CDH12: variants seen among roughly 807,000 people sequenced by gnomAD.
The protein encoded by CDH12 is cadherin 12.
Under a neutral mutation model 74.1 loss-of-function variants are expected in CDH12, and 41 were observed. The ratio of observed to expected loss-of-function variants is 0.55; its 90% CI spans 0.43 to 0.72. The LOEUF (loss-of-function observed/expected upper bound fraction) is 0.72, where lower values mean the gene tolerates loss of function less well. Ranked by LOEUF, CDH12 falls within the 30% of genes least tolerant of loss-of-function variation. The pLI is 0.00. For synonymous variants in CDH12, 399 were observed against 355.0 expected, an observed-to-expected ratio of 1.12 and a Z score of -1.39; for missense variants, 945 against 977.2, an observed-to-expected ratio of 0.97 and a Z score of 0.44.
In CDH12 at chr5:21,891,572, T is replaced by C. The variant is rs7727212; in HGVS notation, c.527-36782A>G. Among the ~76,000 whole-genome samples the C allele has an allele frequency of 8.4e-4, 122 of 145,024 alleles. 1 individual carries two copies. Among genetic ancestry groups the C allele is most frequent in the Non-Finnish European group, 9.7e-4 (64 of 65,708 alleles). Reference sequence around the variant, plus strand: ...TCTTTCCTGTGAATACACACACACATACACACACACACACACACACACACA... The same window carrying C: ...TCTTTCCTGTGAATACACACACACACACACACACACACACACACACACACA... On this transcript the variant is annotated intron_variant, in intron 6 of 14. Transcript: ENST00000382254.
chr5:22,283,253 C>CAT (rs1287919986), intron 3 of CDH12, among the ~76,000 whole-genome samples: 5 of 134,298 alleles, frequency 3.7e-5, no homozygotes, highest in African/African-American at 1.6e-4. Flanking sequence ...TATATATATA[C>CAT]ACACACACAC....
chr5:22,284,875 G>A (rs1251440304), intron 3 of CDH12, among the ~76,000 whole-genome samples: 1 of 150,290 alleles, frequency 6.7e-6, no homozygotes, highest in Non-Finnish European at 1.5e-5. Context: ...CCAGGAAAAG[G>A]GAAAGAAGCC....
At chr5:21,948,829 C>T (rs571256533) in intron 6 of CDH12, among the ~76,000 whole-genome samples, 1 of 152,074 alleles carries the variant, frequency 6.6e-6, no homozygotes, top group South Asian at 2.1e-4. Flanking sequence ...ATCATGTGGG[C>T]GGTTTCTGCC....
At chr5:22,123,578 A>C (rs1490762135) in intron 4 of CDH12, among the ~76,000 whole-genome samples, 1 of 152,230 alleles carries the variant, frequency 6.6e-6, no homozygotes, top group Non-Finnish European at 1.5e-5. Context: ...CAAAAATTCC[A>C]TCTGAGATAT....
At chr5:22,696,612 G>A (rs116102037) in intron 1 of CDH12, among the ~76,000 whole-genome samples, 1,541 of 151,890 alleles carry the variant, frequency 0.01, 30 homozygotes, top group African/African-American at 0.035. Context: ...TTGCTCAGTG[G>A]GTGTTTTTTA....
chr5:22,711,650 A>C (rs1681821972), intron 1 of CDH12, among the ~76,000 whole-genome samples: 1 of 152,242 alleles, frequency 6.6e-6, no homozygotes, highest in South Asian at 2.1e-4. Flanking sequence ...AATGAAGTAC[A>C]GGATTTACCA....
At chr5:22,002,136 G>T (rs1337674508) in intron 5 of CDH12, among the ~76,000 whole-genome samples, 1 of 152,004 alleles carries the variant, frequency 6.6e-6, no homozygotes, top group African/African-American at 2.4e-5. Flanking sequence ...CATTTAGTTT[G>T]CTCTATACTA....
At chr5:22,429,306 T>C (rs1744072662) in intron 2 of CDH12, among the ~76,000 whole-genome samples, 1 of 151,740 alleles carries the variant, frequency 6.6e-6, no homozygotes, top group Admixed American at 6.6e-5. Context: ...TACTTTTGTT[T>C]TTTTGCATTT....
chr5:22,384,993 A>G (rs1216420004), intron 3 of CDH12, among the ~76,000 whole-genome samples: 2 of 152,210 alleles, frequency 1.3e-5, no homozygotes, highest in African/African-American at 2.4e-5. Flanking sequence ...ATGTTAAACT[A>G]AATAAAATTT....
intron 3 of CDH12, among the ~76,000 whole-genome samples, chr5:22,331,289 G>C (rs1739341799): frequency 6.6e-6 from 1 of 152,140 alleles, no homozygotes; most frequent in East Asian, 1.9e-4. Context: ...CTAGATTCAG[G>C]GCTGACTCAG....
intron 4 of CDH12, among the ~76,000 whole-genome samples, chr5:22,123,970 TTTTTA>T (rs1199331492): frequency 3.3e-5 from 5 of 151,084 alleles, no homozygotes; most frequent in Admixed American, 2.6e-4. Context: ...TTTATTTTAT[TTTTTA>T]TTTTTTTTCT....
intron 3 of CDH12, among the ~76,000 whole-genome samples, chr5:22,326,948 T>C (rs1034041106): frequency 3.3e-5 from 5 of 152,220 alleles, no homozygotes; most frequent in Non-Finnish European, 7.3e-5. Flanking sequence ...AGGCAAATTA[T>C]ATTGCTCAAG....
chr5:22,258,857 G>A (rs1260465109), intron 3 of CDH12, among the ~76,000 whole-genome samples: 1 of 152,048 alleles, frequency 6.6e-6, no homozygotes, highest in African/African-American at 2.4e-5. Flanking sequence ...TTTGCGTTAA[G>A]TACACTCTGC....
intron 10 of CDH12, among the ~76,000 whole-genome samples, chr5:21,785,010 C>T (rs1467225561): frequency 6.6e-6 from 1 of 152,136 alleles, no homozygotes; most frequent in East Asian, 1.9e-4. Context: ...TCATCGGCAT[C>T]ATTTTTCCAA....
intron 6 of CDH12, among the ~76,000 whole-genome samples, chr5:21,960,537 A>G (rs1328567463): frequency 6.6e-6 from 1 of 152,132 alleles, no homozygotes; most frequent in African/African-American, 2.4e-5. Context: ...TTATTATTCT[A>G]TGGACCAATT....
intron 4 of CDH12, among the ~76,000 whole-genome samples, chr5:22,163,263 T>C (rs569560053): frequency 6.6e-6 from 1 of 152,296 alleles, no homozygotes; most frequent in Non-Finnish European, 1.5e-5. Context: ...GTTGGACTTC[T>C]CATCCAATGT....
chr5:21,967,317 A>G (rs879540299), intron 6 of CDH12, among the ~76,000 whole-genome samples: 7 of 152,196 alleles, frequency 4.6e-5, no homozygotes, highest in Admixed American at 4.6e-4. Flanking sequence ...TAAATAGAAT[A>G]GAGCAAACAA....
chr5:22,054,627 CTTTCT>C (rs1740611523), intron 5 of CDH12, among the ~76,000 whole-genome samples: 1 of 151,960 alleles, frequency 6.6e-6, no homozygotes, highest in African/African-American at 2.4e-5. Flanking sequence ...TAGATTTTAC[CTTTCT>C]TTTATCTATC....
At chr5:22,727,507 CATT>C (rs761468265) in intron 1 of CDH12, among the ~76,000 whole-genome samples, 23 of 151,622 alleles carry the variant, frequency 1.5e-4, no homozygotes, top group East Asian at 9.7e-4. Context: ...TTATATATGA[CATT>C]GTTGTTTATA....
Sources: allele counts gnomAD v4.1 joint callset (sites outside exome capture counted in the v4.1 genomes callset), GRCh38; gene constraint gnomAD v4.1.1; transcripts MANE v1.5; gene names NCBI Gene and HGNC (gene_info 2026-07-23, HGNC 2026-07-21).